Variants in CSMD1 observed in about 807,000 individuals in gnomAD.
CSMD1 encodes CUB and Sushi multiple domains 1, also known as CUB and sushi domain-containing protein 1.
In CSMD1, 213 loss-of-function variants were observed where a neutral mutation model predicts 417.5. That is an observed-to-expected ratio of 0.51 (90% CI 0.46 to 0.57). The LOEUF (loss-of-function observed/expected upper bound fraction) is 0.57, where lower values mean the gene tolerates loss of function less well. Among genes scored for constraint, CSMD1 ranks in the 20% least tolerant of loss-of-function variants. The pLI, the probability that CSMD1 is intolerant of heterozygous loss-of-function variation, is 0.00. For synonymous variants in CSMD1, 2,862 were observed against 1,736.8 expected, an observed-to-expected ratio of 1.65 and a Z score of -16.11; for missense variants, 6,923 against 4,529.7, an observed-to-expected ratio of 1.53 and a Z score of -15.17.
In CSMD1 at chr8:3,708,448, C is replaced by T. The variant is rs543717404; in HGVS notation, c.975G>A (p.Leu325=). The part of the protein sequence containing the change: ...IELKSRGVKM[L]PSKDGSHKNS... ...TTTTATGGCTTCCATCCTTGCTGGG[C>T]AGCATCTTGACTCCTCTTGACTTCA... The change falls in exon 7 of 70, where the codon CTG becomes CTA. Residue 325 remains leucine, a synonymous_variant. Transcript: ENST00000635120. The T allele has an allele frequency of 8.1e-6, 13 of 1,613,940 alleles. No individual in the cohort carries two copies. The highest frequency in any genetic ancestry group is 1.3e-5 in the African/African-American group (1 of 75,028).
intron 5 of CSMD1, among the ~76,000 whole-genome samples, chr8:3,976,155 T>C (rs1267183001): frequency 1.3e-5 from 2 of 152,114 alleles, no homozygotes; most frequent in African/African-American, 4.8e-5. Flanking sequence ...CAAGAATGCA[T>C]AACCTAAGGT....
chr8:3,288,286 A>C (rs1238097848), intron 25 of CSMD1, among the ~76,000 whole-genome samples: 1 of 146,956 alleles, frequency 6.8e-6, no homozygotes. Flanking sequence ...TTTTTCTGCC[A>C]GGCTTTGGTA....
intron 3 of CSMD1, among the ~76,000 whole-genome samples, chr8:4,163,512 G>T (rs921013290): frequency 6.6e-6 from 1 of 152,068 alleles, no homozygotes; most frequent in African/African-American, 2.4e-5. Context: ...TACAGACATT[G>T]TTTTGTGAAA....
chr8:3,651,857 C>G (rs1797873776), intron 7 of CSMD1, among the ~76,000 whole-genome samples: 1 of 148,904 alleles, frequency 6.7e-6, no homozygotes, highest in South Asian at 2.2e-4. Context: ...TCGCACTTAC[C>G]ACCATGAGCA....
chr8:3,787,518 G>A (rs1325283737), intron 5 of CSMD1, among the ~76,000 whole-genome samples: 2 of 152,070 alleles, frequency 1.3e-5, no homozygotes, highest in Non-Finnish European at 2.9e-5. Flanking sequence ...GAACCTAACA[G>A]CAATTAAGAA....
intron 5 of CSMD1, among the ~76,000 whole-genome samples, chr8:3,828,531 C>T (rs1341769443): frequency 6.6e-6 from 1 of 152,106 alleles, no homozygotes; most frequent in Non-Finnish European, 1.5e-5. Flanking sequence ...AATTCCTCTC[C>T]TTTTTCCACC....
intron 1 of CSMD1, among the ~76,000 whole-genome samples, chr8:4,814,357 T>C (rs766356662): frequency 5.9e-5 from 9 of 152,190 alleles, no homozygotes; most frequent in Non-Finnish European, 1.3e-4. Context: ...GCAAATCTCC[T>C]GCCTCAGTCT....
intron 7 of CSMD1, among the ~76,000 whole-genome samples, chr8:3,629,015 A>G (rs2469309): frequency 0.011 from 1,729 of 152,276 alleles, 26 homozygotes; most frequent in African/African-American, 0.035. Flanking sequence ...ATAAAATAGA[A>G]TTCTAACCTT....
intron 12 of CSMD1, among the ~76,000 whole-genome samples, chr8:3,468,137 T>A (rs986929119): frequency 6.6e-6 from 1 of 152,206 alleles, no homozygotes; most frequent in African/African-American, 2.4e-5. Context: ...CATTTAAAAG[T>A]AATCAATATC....
At chr8:4,638,896 C>G (rs1803020436) in intron 1 of CSMD1, among the ~76,000 whole-genome samples, 1 of 152,142 alleles carries the variant, frequency 6.6e-6, no homozygotes, top group East Asian at 1.9e-4. Context: ...GTTATTGATT[C>G]TAACAAAGCA....
At chr8:4,542,644 G>C (rs1310180045) in intron 2 of CSMD1, among the ~76,000 whole-genome samples, 2 of 152,120 alleles carry the variant, frequency 1.3e-5, no homozygotes, top group South Asian at 2.1e-4. Context: ...AGAGAATGGA[G>C]ATTAACAGAC....
intron 54 of CSMD1, among the ~76,000 whole-genome samples, chr8:2,982,107 G>A (rs893492303): frequency 2.0e-5 from 3 of 152,174 alleles, no homozygotes; most frequent in Non-Finnish European, 4.4e-5. Flanking sequence ...TGTAATCCCA[G>A]CACTTTGGGA....
intron 3 of CSMD1, among the ~76,000 whole-genome samples, chr8:4,152,183 G>A (rs919684242): frequency 6.6e-6 from 1 of 152,034 alleles, no homozygotes; most frequent in Non-Finnish European, 1.5e-5. Flanking sequence ...AGCTAACATA[G>A]TTCTTACATC....
chr8:4,939,598 C>A (rs376365389), intron 1 of CSMD1, among the ~76,000 whole-genome samples: 4 of 151,708 alleles, frequency 2.6e-5, no homozygotes. Flanking sequence ...AATAGTTGAA[C>A]TCAATGAAGC....
At chr8:4,042,920 G>A (rs552037506) in intron 3 of CSMD1, among the ~76,000 whole-genome samples, 2 of 147,328 alleles carry the variant, frequency 1.4e-5, no homozygotes, top group East Asian at 2.1e-4. Flanking sequence ...GAGTTCAGGA[G>A]TTCAAGACCA....
chr8:3,570,798 C>T (rs1463002081), intron 10 of CSMD1, among the ~76,000 whole-genome samples: 1 of 152,184 alleles, frequency 6.6e-6, no homozygotes, highest in East Asian at 1.9e-4. Flanking sequence ...AAAGCGTTCT[C>T]ACAGTGCAAT....
intron 46 of CSMD1, among the ~76,000 whole-genome samples, chr8:3,099,346 C>A (rs1815566952): frequency 6.6e-6 from 1 of 152,052 alleles, no homozygotes; most frequent in African/African-American, 2.4e-5. Flanking sequence ...CCCCAGGGTC[C>A]CTCTCCCCCA....
intron 1 of CSMD1, among the ~76,000 whole-genome samples, chr8:4,901,160 A>C (rs540148592): frequency 2.0e-5 from 3 of 152,240 alleles, no homozygotes; most frequent in Non-Finnish European, 4.4e-5. Context: ...TGGGCTAAGA[A>C]AGATTTTCTT....
At position 3,163,756 on chromosome 8, in the gene CSMD1, G is replaced by T. The variant is rs7841775; in HGVS notation, c.5726-1479C>A. Among the ~76,000 whole-genome samples the T allele has an allele frequency of 2.0e-5, 3 of 152,112 alleles. No homozygotes were observed. In the East Asian group the frequency reaches 5.8e-4, roughly 29 times the overall value. On this transcript the variant is annotated intron_variant, in intron 37 of 69. Coordinates refer to ENST00000635120, the MANE Select transcript of CSMD1 (RefSeq NM_033225.6). ...GTGGGTCGAAGCTACAGAGTCAGCAGCAAGGTCAAGGGAAACCCTGGGTCA... is the reference window on the plus strand; with the variant it reads ...GTGGGTCGAAGCTACAGAGTCAGCATCAAGGTCAAGGGAAACCCTGGGTCA...
Sources: allele counts gnomAD v4.1 joint callset (sites outside exome capture counted in the v4.1 genomes callset), GRCh38; gene constraint gnomAD v4.1.1; transcripts MANE v1.5; gene names NCBI Gene and HGNC (gene_info 2026-07-23, HGNC 2026-07-21).